MEF2C: variants seen among roughly 807,000 people sequenced by gnomAD.
The protein encoded by MEF2C is myocyte enhancer factor 2C.
MEF2C carries 6 observed loss-of-function variants against 50.5 expected under a neutral mutation model. The observed-to-expected ratio is 0.12, with a 90% CI of 0.07 to 0.23. The LOEUF is 0.23. MEF2C is among the 10% of genes least tolerant of loss of function. The pLI is 1.00. For synonymous variants in MEF2C, 183 were observed against 228.0 expected, an observed-to-expected ratio of 0.80 and a Z score of 1.78; for missense variants, 276 against 605.0, an observed-to-expected ratio of 0.46 and a Z score of 5.70.
At chr5:88,890,769 C>T (rs777134654) in intron 1 of MEF2C, among the ~76,000 whole-genome samples, 50 of 152,238 alleles carry the variant, frequency 3.3e-4, no homozygotes, top group Non-Finnish European at 6.2e-4. Flanking sequence ...TAAAGTCAGA[C>T]TTTCAGTATC....
At chr5:88,841,597 A>C (rs1370891618) in intron 1 of MEF2C, among the ~76,000 whole-genome samples, 1 of 152,150 alleles carries the variant, frequency 6.6e-6, no homozygotes, top group African/African-American at 2.4e-5. Flanking sequence ...AGTTCCATGA[A>C]ATTTGTTTTG....
At position 88,804,817 on chromosome 5, in the gene MEF2C, C is replaced by T. The variant is rs1799708419; in HGVS notation, c.55-16G>A. ...TAAATGTCACCTAGAAAAAAGAAAGCAGCCAAGATTTTTTAAAAAATATTC... is the reference window on the plus strand; with the variant it reads ...TAAATGTCACCTAGAAAAAAGAAAGTAGCCAAGATTTTTTAAAAAATATTC... On this transcript the variant is annotated splice_polypyrimidine_tract_variant and intron_variant, in intron 2 of 10. Transcript: ENST00000504921. 2 of 1,606,238 alleles carry T rather than the reference C, an allele frequency of 1.2e-6. No homozygotes were observed. Among genetic ancestry groups the T allele is most frequent in the South Asian group, 2.2e-5 (2 of 90,366 alleles).
At chr5:88,802,686 C>T (rs1465700606) in intron 3 of MEF2C, among the ~76,000 whole-genome samples, 1 of 152,162 alleles carries the variant, frequency 6.6e-6, no homozygotes, top group African/African-American at 2.4e-5. Context: ...TGAGCTCAGG[C>T]AATCTGCCCA....
At chr5:88,842,082 T>C (rs1042734999) in intron 1 of MEF2C, among the ~76,000 whole-genome samples, 3 of 152,336 alleles carry the variant, frequency 2.0e-5, no homozygotes, top group South Asian at 2.1e-4. Flanking sequence ...TACTTCTTTT[T>C]AAGGCTTGTG....
At chr5:88,836,125 A>G (rs1815005146) in intron 1 of MEF2C, among the ~76,000 whole-genome samples, 1 of 152,242 alleles carries the variant, frequency 6.6e-6, no homozygotes, top group South Asian at 2.1e-4. Flanking sequence ...ATTTACCATG[A>G]AGCCTAAATG....
intron 1 of MEF2C, chr5:88,825,882 T>A (rs1810647616): frequency 6.6e-6 from 1 of 152,342 alleles, no homozygotes; most frequent in Non-Finnish European, 1.5e-5. Flanking sequence ...GGTGGCACTA[T>A]CGGCTTACAG....
chr5:88,717,259 C>T lies in MEF2C; in HGVS notation c.*5345G>A, dbSNP rs2151977575. ...GCTTTGAACTCATCCCCTTCTGGGC[C>T]TTTCTCAATCCTGCCCACCTTCAAA... On this transcript the variant is annotated 3_prime_UTR_variant, in exon 11 of 11. Transcript: ENST00000504921. 1 of 152,374 alleles carries T rather than the reference C, an allele frequency of 6.6e-6. No individual in the cohort carries two copies. Among genetic ancestry groups the T allele is most frequent in the South Asian group, 2.1e-4 (1 of 4,824 alleles). 9.4% of individuals were successfully genotyped at this position (152,374 alleles called of 1,614,324 possible).
At chr5:88,826,890 T>C (rs1293158631) in intron 1 of MEF2C, 1 of 144,968 alleles carries the variant, frequency 6.9e-6, no homozygotes, top group Non-Finnish European at 1.5e-5. Flanking sequence ...CAGAGCTACA[T>C]ATAAATAATC....
chr5:88,736,734 A>T (rs1581491989), intron 6 of MEF2C: 1 of 985,386 alleles, frequency 1.0e-6, no homozygotes, highest in Admixed American at 6.1e-5. Flanking sequence ...TGAGTGCTTA[A>T]CACAGTTGAG....
chr5:88,891,542 A>T (rs925806634), intron 1 of MEF2C, among the ~76,000 whole-genome samples: 1 of 151,996 alleles, frequency 6.6e-6, no homozygotes, highest in Non-Finnish European at 1.5e-5. Flanking sequence ...AGCTGGGACT[A>T]CAGGCGTCCA....
intron 1 of MEF2C, among the ~76,000 whole-genome samples, chr5:88,865,098 T>G (rs1221808399): frequency 6.6e-6 from 1 of 152,048 alleles, no homozygotes; most frequent in Non-Finnish European, 1.5e-5. Flanking sequence ...GATCTCACTA[T>G]GTTGCCCAGG....
chr5:88,727,565 T>C (rs1759429544), intron 10 of MEF2C, among the ~76,000 whole-genome samples: 1 of 152,166 alleles, frequency 6.6e-6, no homozygotes, highest in Admixed American at 6.6e-5. Flanking sequence ...ATATAACTAG[T>C]TAACTAATAC....
chr5:88,740,781 A>G, intron 6 of MEF2C: 2 of 985,284 alleles, frequency 2.0e-6, no homozygotes, highest in South Asian at 9.4e-5. Context: ...CACTATCTTT[A>G]AAAAATTCCA....
chr5:88,778,913 C>T (rs1370753062), intron 3 of MEF2C, among the ~76,000 whole-genome samples: 2 of 152,194 alleles, frequency 1.3e-5, no homozygotes, highest in East Asian at 3.9e-4. Flanking sequence ...GCTGGCAGGA[C>T]CTGACTCAGC....
chr5:88,827,866 A>T (rs532247231), intron 1 of MEF2C, among the ~76,000 whole-genome samples: 2 of 151,830 alleles, frequency 1.3e-5, no homozygotes, highest in East Asian at 3.9e-4. Context: ...CAAAAAAAAA[A>T]TCAATGCATG....
intron 1 of MEF2C, among the ~76,000 whole-genome samples, chr5:88,861,051 A>G (rs1007501895): frequency 3.9e-5 from 6 of 152,240 alleles, no homozygotes; most frequent in Non-Finnish European, 8.8e-5. Context: ...CACAGATGAA[A>G]AAAAGCAGGA....
Position 88,719,119 on chromosome 5 carries a change from C to T in MEF2C, c.*3485G>A, listed in dbSNP as rs1213494969. The T allele has an allele frequency of 6.6e-6, 1 of 152,182 alleles. No homozygotes were observed. Among genetic ancestry groups the T allele is most frequent in the Admixed American group, 6.5e-5 (1 of 15,276 alleles). The allele number at this position is 152,182 out of a possible 1,614,324, so 9.4% of individuals were successfully genotyped here. On this transcript the variant is annotated 3_prime_UTR_variant, in exon 11 of 11. Coordinates refer to ENST00000504921, the MANE Select transcript of MEF2C (RefSeq NM_002397.5). ...AAATAAAGAGGGCAAAAAATGCTAT[C>T]TCTAAGTTAAAAGATGGGTATGTAA...
chr5:88,726,311 G>GA (rs1450763232), intron 10 of MEF2C, among the ~76,000 whole-genome samples: 1 of 152,118 alleles, frequency 6.6e-6, no homozygotes, highest in Non-Finnish European at 1.5e-5. Context: ...CTTTGGCCTG[G>GA]AAAATGTATC....
intron 6 of MEF2C, among the ~76,000 whole-genome samples, chr5:88,744,480 G>A (rs1768392760): frequency 6.6e-6 from 1 of 152,152 alleles, no homozygotes; most frequent in Non-Finnish European, 1.5e-5. Flanking sequence ...TTGAACCCAG[G>A]AGGCGGAGGT....
Sources: allele counts gnomAD v4.1 joint callset (sites outside exome capture counted in the v4.1 genomes callset), GRCh38; gene constraint gnomAD v4.1.1; transcripts MANE v1.5; gene names NCBI Gene and HGNC (gene_info 2026-07-23, HGNC 2026-07-21).